OSBPL10: variants seen among roughly 807,000 people sequenced by gnomAD.
The protein encoded by OSBPL10 is oxysterol-binding protein-related protein 10.
Under a neutral mutation model 81.7 loss-of-function variants are expected in OSBPL10, and 49 were observed. The observed-to-expected ratio is 0.60, with a 90% CI of 0.48 to 0.76. The LOEUF is 0.76. OSBPL10 is among the 30% of genes least tolerant of loss of function. The probability of loss-of-function intolerance (pLI) is 0.00; values close to 1 mark genes in which losing one functional copy is unlikely to be tolerated. For synonymous variants in OSBPL10, 419 were observed against 383.6 expected (o/e 1.09, Z -1.08); for missense variants, 923 against 987.8 (o/e 0.93, Z 0.88).
At chr3:31,744,301 G>A (rs1037653582) in intron 5 of OSBPL10, among the ~76,000 whole-genome samples, 6 of 152,150 alleles carry the variant, frequency 3.9e-5, no homozygotes, top group Admixed American at 3.3e-4. Flanking sequence ...AGCACTTTGG[G>A]AGGCCAAGGC....
At chr3:31,837,785 A>C (rs1445494183) in intron 3 of OSBPL10, among the ~76,000 whole-genome samples, 1 of 152,140 alleles carries the variant, frequency 6.6e-6, no homozygotes, top group African/African-American at 2.4e-5. Context: ...AATAGTAATA[A>C]AAACTATGAT....
rs1383002387 is a variant in OSBPL10 at position 31,830,143 on chromosome 3, C to T, written c.626G>A (p.Ser209Asn). 43 of 1,614,048 alleles carry T rather than the reference C, an allele frequency of 2.7e-5. No homozygotes were observed. Among genetic ancestry groups the T allele is most frequent in the Non-Finnish European group, 3.6e-5 (42 of 1,180,030 alleles). ...SASPCSQRHLSVGAPGVVTIT... is the reference protein window; with the variant it reads ...SASPCSQRHLNVGAPGVVTIT... ...TGTGACAACACCGGGGGCCCCCACA[C>T]TGAGGTGTCTCTGGCTACAGGGAGA... Residue 209 changes from serine (S) to asparagine (N), a missense_variant, in exon 4 of 12, where the codon AGT (serine) becomes AAT (asparagine). Physicochemically the swap from Ser to Asn is conservative, Grantham distance 46 (BLOSUM62 1). Around this residue, in one of 3 missense-constraint regions of OSBPL10, gnomAD observed 514 missense variants for 508.0 expected, o/e 1.01. Coordinates refer to ENST00000396556, the MANE Select transcript of OSBPL10 (RefSeq NM_017784.5).
At chr3:31,672,086 C>A (rs1035819896) in intron 8 of OSBPL10, among the ~76,000 whole-genome samples, 2 of 44,612 alleles carry the variant, frequency 4.5e-5, no homozygotes, top group African/African-American at 9.7e-4. Flanking sequence ...TGGTTAGCGA[C>A]CGGCACCTTC....
chr3:31,975,016 T>C (rs1698655935), intron 1 of OSBPL10, among the ~76,000 whole-genome samples: 1 of 152,124 alleles, frequency 6.6e-6, no homozygotes, highest in South Asian at 2.1e-4. Context: ...TCACCCATAA[T>C]CCCACCAACC....
At chr3:31,989,626 A>G (rs1698994988) in intron 2 of OSBPL10, 1 of 1,614,208 alleles carries the variant, frequency 6.2e-7, no homozygotes, top group Non-Finnish European at 8.5e-7. Flanking sequence ...TGAGAAGTCT[A>G]TCAACGATGC....
At chr3:31,909,856 T>A (rs1053217178) in intron 1 of OSBPL10, among the ~76,000 whole-genome samples, 10 of 152,124 alleles carry the variant, frequency 6.6e-5, no homozygotes, top group East Asian at 3.9e-4. Context: ...ACCATTTTTT[T>A]AAAAATGTTA....
intron 1 of OSBPL10, among the ~76,000 whole-genome samples, chr3:31,973,198 G>A (rs926072935): frequency 1.3e-5 from 2 of 152,174 alleles, no homozygotes; most frequent in African/African-American, 4.8e-5. Context: ...TTTCTTCCCA[G>A]AGTCCTCAGA....
rs534695556 is a variant in OSBPL10, at chr3:31,741,316, G to A, written c.940+6594C>T. Among the ~76,000 whole-genome samples, 13 of 152,346 alleles carry A rather than the reference G, an allele frequency of 8.5e-5. No homozygotes were observed. The East Asian group carries it at 2.3e-3, about 27-fold the overall frequency. On this transcript the variant is annotated intron_variant, in intron 5 of 11. Transcript: ENST00000396556. ...AGTCTCGCTCTGTCACTAGGCTGGA[G>A]TGCAGTGGCACAATCTCGGCTCACT...
chr3:31,989,462 T>C (rs754156984), intron 2 of OSBPL10: 2 of 1,614,214 alleles, frequency 1.2e-6, no homozygotes, highest in South Asian at 2.2e-5. Context: ...GAAGCAACTA[T>C]GACACAAATC....
intron 1 of OSBPL10, among the ~76,000 whole-genome samples, chr3:31,960,851 C>T (rs1195928363): frequency 6.6e-6 from 1 of 152,094 alleles, no homozygotes; most frequent in African/African-American, 2.4e-5. Context: ...AAAAACCATC[C>T]TCTTTATCCT....
intron 1 of OSBPL10, among the ~76,000 whole-genome samples, chr3:32,052,365 T>C (rs894571759): frequency 1.3e-5 from 2 of 152,178 alleles, no homozygotes; most frequent in African/African-American, 4.8e-5. Flanking sequence ...CTTTTGAAAA[T>C]TGGTTGACTT....
chr3:31,818,095 G>T (rs1699890666), intron 4 of OSBPL10, among the ~76,000 whole-genome samples: 1 of 152,068 alleles, frequency 6.6e-6, no homozygotes, highest in African/African-American at 2.4e-5. Flanking sequence ...GACACAGGGA[G>T]ACCTTGCCTC....
intron 4 of OSBPL10, among the ~76,000 whole-genome samples, chr3:31,829,186 T>TC (rs1439540875): frequency 1.3e-5 from 2 of 152,128 alleles, no homozygotes; most frequent in African/African-American, 4.8e-5. Flanking sequence ...TGCCACTTTC[T>TC]CTAAGAGGAA....
At chr3:31,829,816 C>T (rs370703816) in intron 4 of OSBPL10, among the ~76,000 whole-genome samples, 53 of 152,300 alleles carry the variant, frequency 3.5e-4, no homozygotes, top group African/African-American at 1.2e-3. Context: ...CTCTGCTTTC[C>T]GAGTTCTCAG....
intron 1 of OSBPL10, among the ~76,000 whole-genome samples, chr3:32,070,137 T>G (rs1278124242): frequency 6.6e-6 from 1 of 152,146 alleles, no homozygotes; most frequent in African/African-American, 2.4e-5. Flanking sequence ...TTTAGGTAAC[T>G]CTTATGGTGG....
At chr3:31,978,817 G>A (rs773185754) in intron 1 of OSBPL10, among the ~76,000 whole-genome samples, 2 of 152,168 alleles carry the variant, frequency 1.3e-5, no homozygotes, top group African/African-American at 2.4e-5. Context: ...CTGCTATCAC[G>A]TAGGTATTAT....
At position 31,683,590 on chromosome 3, in the gene OSBPL10, C is replaced by T. The variant is rs555515136; in HGVS notation, c.1726+44G>A. 7.1e-5 allele frequency: 112 copies of T among 1,578,980 alleles called. 1 individual carries two copies. Among genetic ancestry groups the T allele is most frequent in the East Asian group, 1.6e-4 (7 of 44,276 alleles). On this transcript the variant is annotated intron_variant, in intron 8 of 11. Coordinates refer to ENST00000396556, the MANE Select transcript of OSBPL10 (RefSeq NM_017784.5). The stretch of plus-strand genomic sequence containing the variant: ...ATCAATCATCTACCAGGTATAGAAA[C>T]GTCACTGTGTAAGAGCCAAACTCCA...
intron 2 of OSBPL10, among the ~76,000 whole-genome samples, chr3:32,022,523 C>T (rs565573903): frequency 1.3e-5 from 2 of 152,254 alleles, no homozygotes; most frequent in East Asian, 1.9e-4. Flanking sequence ...TGGTGGCTCA[C>T]GCCTGTAATC....
intron 4 of OSBPL10, among the ~76,000 whole-genome samples, chr3:31,814,853 A>G (rs1299259202): frequency 1.3e-5 from 2 of 152,214 alleles, no homozygotes; most frequent in East Asian, 3.8e-4. Context: ...CTAAGGCACA[A>G]AAGTGGCTTA....
Sources: gnomAD v4.1 joint callset for allele counts (sites outside exome capture counted in the v4.1 genomes callset) on GRCh38, gnomAD v4.1.1 for gene constraint, gnomAD v4.1.1 regional missense constraint, MANE v1.5 for transcripts, NCBI Gene and HGNC (gene_info 2026-07-23, HGNC 2026-07-21) for gene names.